HS3ST5: variants seen among roughly 807,000 people sequenced by gnomAD.
The protein encoded by HS3ST5 is heparan sulfate-glucosamine 3-sulfotransferase 5.
In HS3ST5, 10 loss-of-function variants were observed where a neutral mutation model predicts 25.4. That is an observed-to-expected ratio of 0.39 (90% CI 0.24 to 0.67). HS3ST5 has a LOEUF of 0.67. Ranked by LOEUF, HS3ST5 falls within the 30% of genes least tolerant of loss-of-function variation. HS3ST5 has a pLI of 0.44. For missense variants in HS3ST5, 324 were observed against 420.7 expected (o/e 0.77, Z 2.01); for synonymous variants, 170 against 162.4 (o/e 1.05, Z -0.36).
intron 1 of HS3ST5, among the ~76,000 whole-genome samples, chr6:114,333,739 G>A (rs935648919): frequency 9.2e-5 from 14 of 151,764 alleles, no homozygotes; most frequent in African/African-American, 2.7e-4. Flanking sequence ...TCCGTCTCCC[G>A]GGTTTACGTA....
intron 2 of HS3ST5, among the ~76,000 whole-genome samples, chr6:114,177,029 A>G (rs1779754260): frequency 6.6e-6 from 1 of 152,150 alleles, no homozygotes; most frequent in African/African-American, 2.4e-5. Flanking sequence ...TCCTTTCACC[A>G]GGGCTTGAAA....
At chr6:114,256,353 A>C (rs928609239) in intron 1 of HS3ST5, among the ~76,000 whole-genome samples, 7 of 150,840 alleles carry the variant, frequency 4.6e-5, no homozygotes, top group Non-Finnish European at 7.4e-5. Context: ...GCGCCACTGC[A>C]CTCCAGCCTG....
At chr6:114,218,252 C>A (rs939305290) in intron 2 of HS3ST5, among the ~76,000 whole-genome samples, 3 of 152,200 alleles carry the variant, frequency 2.0e-5, no homozygotes, top group African/African-American at 7.2e-5. Context: ...TCCACCTTGG[C>A]CTCCCAAAGT....
chr6:114,327,670 T>C (rs1430768260), intron 1 of HS3ST5, among the ~76,000 whole-genome samples: 1 of 151,498 alleles, frequency 6.6e-6, no homozygotes, highest in Non-Finnish European at 1.5e-5. Flanking sequence ...ATTTTTTTTT[T>C]CAGACTTTTA....
chr6:114,294,441 CTTTTTT>C (rs57443813), intron 1 of HS3ST5, among the ~76,000 whole-genome samples: 59 of 112,950 alleles, frequency 5.2e-4, no homozygotes, highest in African/African-American at 1.9e-3. Context: ...AGGTTAGAAA[CTTTTTT>C]TTTTTTTTTT....
intron 1 of HS3ST5, among the ~76,000 whole-genome samples, chr6:114,297,396 C>T (rs1008705347): frequency 3.9e-5 from 6 of 152,066 alleles, no homozygotes; most frequent in South Asian, 2.1e-4. Context: ...CCCAGCCAAG[C>T]GGTGTCCTGA....
At chr6:114,325,663 A>G (rs1414063990) in intron 1 of HS3ST5, among the ~76,000 whole-genome samples, 1 of 151,896 alleles carries the variant, frequency 6.6e-6, no homozygotes, top group African/African-American at 2.4e-5. Flanking sequence ...ACACAAAAAC[A>G]AAACAAAACA....
chr6:114,061,249 TAA>T (rs1258908112), intron 4 of HS3ST5, among the ~76,000 whole-genome samples: 1 of 152,208 alleles, frequency 6.6e-6, no homozygotes, highest in Non-Finnish European at 1.5e-5. Flanking sequence ...GGGCTGGATA[TAA>T]GAGTTCCATT....
intron 3 of HS3ST5, among the ~76,000 whole-genome samples, chr6:114,094,715 T>A (rs1427842894): frequency 6.6e-6 from 1 of 152,198 alleles, no homozygotes; most frequent in Non-Finnish European, 1.5e-5. Flanking sequence ...AGGGTGGCTG[T>A]CATGATCCCT....
chr6:114,162,338 C>T (rs993131275), intron 3 of HS3ST5, among the ~76,000 whole-genome samples: 1 of 152,228 alleles, frequency 6.6e-6, no homozygotes, highest in East Asian at 1.9e-4. Flanking sequence ...CTGTTCTCCT[C>T]CCACATCTAG....
At chr6:114,226,576 T>A (rs925652597) in intron 2 of HS3ST5, among the ~76,000 whole-genome samples, 6 of 151,958 alleles carry the variant, frequency 3.9e-5, no homozygotes, top group Non-Finnish European at 7.4e-5. Context: ...GAGACTTTTA[T>A]ATGAAGAGAA....
chr6:114,087,786 A>G (rs1050975071), intron 3 of HS3ST5, among the ~76,000 whole-genome samples: 10 of 152,216 alleles, frequency 6.6e-5, no homozygotes, highest in Non-Finnish European at 1.5e-4. Context: ...TGATTTCAAC[A>G]GGTTCATCTC....
At chr6:114,184,710 C>T (rs1780135646) in intron 2 of HS3ST5, among the ~76,000 whole-genome samples, 1 of 152,238 alleles carries the variant, frequency 6.6e-6, no homozygotes, top group Non-Finnish European at 1.5e-5. Flanking sequence ...GAGGCTCACT[C>T]CCTGCCAGGT....
intron 2 of HS3ST5, among the ~76,000 whole-genome samples, chr6:114,224,980 A>G (rs762698340): frequency 2.6e-5 from 4 of 151,708 alleles, no homozygotes; most frequent in Non-Finnish European, 5.9e-5. Flanking sequence ...TGGACTCTTG[A>G]TAACAATATT....
intron 1 of HS3ST5, among the ~76,000 whole-genome samples, chr6:114,306,354 T>A (rs548496031): frequency 6.7e-6 from 1 of 149,464 alleles, no homozygotes; most frequent in East Asian, 1.9e-4. Flanking sequence ...TCTCATCCTT[T>A]ATCTCTTAGT....
chr6:114,084,502 A>C (rs1025044621), intron 3 of HS3ST5: 2 of 758,726 alleles, frequency 2.6e-6, no homozygotes, highest in Non-Finnish European at 4.8e-6. Context: ...GGTGCCACGC[A>C]TGCGCAGAAC....
chr6:114,085,845 A>G (rs1489838659), intron 3 of HS3ST5, among the ~76,000 whole-genome samples: 2 of 151,974 alleles, frequency 1.3e-5, no homozygotes, highest in Non-Finnish European at 2.9e-5. Flanking sequence ...GGTGATATAA[A>G]TGATATAGGG....
At chr6:114,203,395 G>T (rs910704779) in intron 2 of HS3ST5, among the ~76,000 whole-genome samples, 3 of 152,130 alleles carry the variant, frequency 2.0e-5, no homozygotes, top group Non-Finnish European at 2.9e-5. Flanking sequence ...CTGATGAAAG[G>T]CCACAAGGTT....
At chr6:114,148,494 A>C (rs1778280293) in intron 3 of HS3ST5, among the ~76,000 whole-genome samples, 1 of 152,022 alleles carries the variant, frequency 6.6e-6, no homozygotes. Flanking sequence ...GGTGGCGGAC[A>C]CCTGTAATCC....
Sources: allele counts gnomAD v4.1 joint callset (sites outside exome capture counted in the v4.1 genomes callset), GRCh38; gene constraint gnomAD v4.1.1; transcripts MANE v1.5; gene names NCBI Gene and HGNC (gene_info 2026-07-23, HGNC 2026-07-21).